The following RIN2 variants were observed in gnomAD, a reference collection of about 807,000 sequenced individuals.
RIN2 encodes RAB5 interacting protein 2.
A neutral mutation model predicts 78.0 loss-of-function variants in RIN2; 36 were observed. The observed-to-expected ratio is 0.46, with a 90% CI of 0.35 to 0.61. The LOEUF (loss-of-function observed/expected upper bound fraction) is 0.61, where lower values mean the gene tolerates loss of function less well. Among genes scored for constraint, RIN2 ranks in the 20% least tolerant of loss-of-function variants. The pLI, the probability that RIN2 is intolerant of heterozygous loss-of-function variation, is 0.00. For missense variants in RIN2, 1,087 were observed against 1,159.7 expected (o/e 0.94, Z 0.91); for synonymous variants, 466 against 466.8 (o/e 1.00, Z 0.02).
intron 2 of RIN2, among the ~76,000 whole-genome samples, chr20:19,814,305 C>T (rs887155464): frequency 2.6e-5 from 4 of 152,170 alleles, no homozygotes; most frequent in African/African-American, 9.7e-5. Flanking sequence ...GGCTCAGCTC[C>T]CTGGGGTGTT....
intron 2 of RIN2, among the ~76,000 whole-genome samples, chr20:19,858,866 T>C (rs917765764): frequency 3.3e-5 from 5 of 152,152 alleles, no homozygotes; most frequent in African/African-American, 1.2e-4. Flanking sequence ...GAGCTGACCA[T>C]GTAGTGGAGA....
chr20:19,856,109 G>A (rs983300280), intron 2 of RIN2, among the ~76,000 whole-genome samples: 2 of 152,028 alleles, frequency 1.3e-5, no homozygotes, highest in African/African-American at 4.8e-5. Context: ...TTTAAGAGAC[G>A]CTACATCATG....
chr20:19,888,777 C>T (rs1045889874), intron 2 of RIN2, among the ~76,000 whole-genome samples: 10 of 152,242 alleles, frequency 6.6e-5, no homozygotes, highest in Non-Finnish European at 1.5e-4. Flanking sequence ...GCCAGGTCAG[C>T]TGGCAGAGGT....
intron 3 of RIN2, among the ~76,000 whole-genome samples, chr20:19,912,551 T>C (rs1362781120): frequency 1.4e-5 from 2 of 143,542 alleles, no homozygotes; most frequent in Non-Finnish European, 3.0e-5. Flanking sequence ...CGATTTCGGC[T>C]CACTGCAACT....
intron 3 of RIN2, among the ~76,000 whole-genome samples, chr20:19,921,564 C>T (rs1341926859): frequency 6.6e-6 from 1 of 152,218 alleles, no homozygotes; most frequent in Non-Finnish European, 1.5e-5. Context: ...CAAAGGACAG[C>T]ATTCCTGCTC....
At chr20:19,778,812 G>A (rs929717856) in intron 1 of RIN2, among the ~76,000 whole-genome samples, 5 of 152,124 alleles carry the variant, frequency 3.3e-5, no homozygotes, top group Admixed American at 3.3e-4. Context: ...AAGAAGGAAA[G>A]CGAGGCCCAG....
chr20:19,946,020 C>A (rs1210851517), intron 4 of RIN2, among the ~76,000 whole-genome samples: 1 of 152,180 alleles, frequency 6.6e-6, no homozygotes, highest in Non-Finnish European at 1.5e-5. Flanking sequence ...CTGCCCAGTG[C>A]CCCTAAGAAT....
At chr20:19,826,832 A>C (rs2036102390) in intron 2 of RIN2, among the ~76,000 whole-genome samples, 1 of 152,108 alleles carries the variant, frequency 6.6e-6, no homozygotes, top group African/African-American at 2.4e-5. Flanking sequence ...CCTCTTAGGC[A>C]CAAATTTTTT....
intron 4 of RIN2, among the ~76,000 whole-genome samples, chr20:19,945,772 G>T (rs985342368): frequency 6.6e-6 from 1 of 152,100 alleles, no homozygotes; most frequent in African/African-American, 2.4e-5. Flanking sequence ...GTTGACTTGA[G>T]CTTAGAAGGG....
At chr20:19,913,635 A>G (rs1242981005) in intron 3 of RIN2, among the ~76,000 whole-genome samples, 8 of 151,974 alleles carry the variant, frequency 5.3e-5, no homozygotes, top group Non-Finnish European at 1.2e-4. Context: ...TCCTGTTTCT[A>G]TGAGTTTGAC....
At chr20:19,821,359 T>C (rs1194234946) in intron 2 of RIN2, among the ~76,000 whole-genome samples, 1 of 152,170 alleles carries the variant, frequency 6.6e-6, no homozygotes, top group Non-Finnish European at 1.5e-5. Flanking sequence ...CATAAATAGA[T>C]CACCCATATG....
chr20:19,997,570 C>G (rs754514908), intron 12 of RIN2, among the ~76,000 whole-genome samples: 8 of 152,164 alleles, frequency 5.3e-5, no homozygotes, highest in Admixed American at 5.2e-4. Flanking sequence ...ACCAGCCTGG[C>G]CAACACGGTG....
intron 2 of RIN2, chr20:19,823,547 G>T: frequency 7.6e-7 from 1 of 1,316,628 alleles, no homozygotes; most frequent in South Asian, 1.2e-5. Context: ...GCAGTCCCCA[G>T]GATCTCTTTA....
chr20:19,804,421 C>A (rs909310180), intron 2 of RIN2, among the ~76,000 whole-genome samples: 2 of 152,096 alleles, frequency 1.3e-5, no homozygotes, highest in African/African-American at 4.8e-5. Flanking sequence ...ATGTGGAGTT[C>A]TATTGGATGC....
intron 3 of RIN2, among the ~76,000 whole-genome samples, chr20:19,908,501 A>AG (rs1422432835): frequency 2.4e-4 from 37 of 151,896 alleles, no homozygotes; most frequent in African/African-American, 8.5e-4. Context: ...AAAAAAAAAA[A>AG]AAAAGAAAGA....
intron 2 of RIN2, among the ~76,000 whole-genome samples, chr20:19,867,006 TTA>T (rs1230357631): frequency 3.6e-5 from 2 of 55,490 alleles, no homozygotes; most frequent in Non-Finnish European, 5.9e-5. Flanking sequence ...TTGTTTATTT[TTA>T]TTTTTTTTTT....
At chr20:19,855,739 A>G (rs1285554514) in intron 2 of RIN2, among the ~76,000 whole-genome samples, 1 of 152,138 alleles carries the variant, frequency 6.6e-6, no homozygotes, top group Non-Finnish European at 1.5e-5. Context: ...GACTGGCAAA[A>G]CTGACACCGG....
chr20:19,817,147 T>C (rs1355428948), intron 2 of RIN2, among the ~76,000 whole-genome samples: 4 of 152,348 alleles, frequency 2.6e-5, no homozygotes, highest in Non-Finnish European at 5.9e-5. Flanking sequence ...TTGCAACACG[T>C]GTGTTATTAC....
At chr20:19,990,960 G>C (rs2042781100) in intron 10 of RIN2, among the ~76,000 whole-genome samples, 1 of 152,208 alleles carries the variant, frequency 6.6e-6, no homozygotes, top group African/African-American at 2.4e-5. Flanking sequence ...CCAGCCCTCA[G>C]ATTTAGCCTT....
Sources: allele counts gnomAD v4.1 joint callset (sites outside exome capture counted in the v4.1 genomes callset), GRCh38; gene constraint gnomAD v4.1.1; transcripts MANE v1.5; gene names NCBI Gene and HGNC (gene_info 2026-07-23, HGNC 2026-07-21).